Variants in RTF2 observed in about 807,000 individuals in gnomAD.
The protein encoded by RTF2 is UPF0549 protein C20orf43.
RTF2 carries 18 observed loss-of-function variants against 38.0 expected under a neutral mutation model. That is an observed-to-expected ratio of 0.47 (90% CI 0.33 to 0.70). The LOEUF (loss-of-function observed/expected upper bound fraction) is 0.70, where lower values mean the gene tolerates loss of function less well. Ranked by LOEUF, RTF2 falls within the 30% of genes least tolerant of loss-of-function variation. The probability of loss-of-function intolerance (pLI) is 0.02; values close to 1 mark genes in which losing one functional copy is unlikely to be tolerated. For missense variants in RTF2, 311 were observed against 379.6 expected (o/e 0.82, Z 1.50); for synonymous variants, 126 against 137.1 (o/e 0.92, Z 0.57).
intron 5 of RTF2, among the ~76,000 whole-genome samples, chr20:56,489,172 T>C (rs6099168): frequency 0.83 from 125,273 of 151,272 alleles, 52,099 homozygotes; most frequent in East Asian, 0.99. Context: ...TCTCCTGCCT[T>C]AGCCACCCGA....
chr20:56,473,263 A>T, intron 1 of RTF2, 38 bp from the exon 2 acceptor site: 1 of 1,391,262 alleles, frequency 7.2e-7, no homozygotes, highest in Non-Finnish European at 1.0e-6. Context: ...TGTGTCTTTC[A>T]GAGTTGAAAA....
chr20:56,491,581 A>C (rs752922889), intron 5 of RTF2: 2 of 1,550,968 alleles, frequency 1.3e-6, no homozygotes, highest in South Asian at 2.4e-5. Flanking sequence ...TCATATTGAA[A>C]TGACTCTGCT....
At chr20:56,496,433 A>G (rs1228573333) in intron 5 of RTF2, among the ~76,000 whole-genome samples, 1 of 152,180 alleles carries the variant, frequency 6.6e-6, no homozygotes, top group Non-Finnish European at 1.5e-5. Flanking sequence ...CTGTAATCCC[A>G]GCTACTGGGG....
intron 5 of RTF2, chr20:56,497,031 T>G: frequency 1.9e-6 from 3 of 1,551,752 alleles, no homozygotes; most frequent in Non-Finnish European, 2.6e-6. Context: ...AAATTTAGAA[T>G]GCACTAGAAC....
chr20:56,516,332 TTTA>T (rs1378956681), intron 6 of RTF2: 2 of 145,414 alleles, frequency 1.4e-5, no homozygotes, highest in African/African-American at 2.9e-5. Flanking sequence ...AATGGTTTGT[TTTA>T]TTATTGCTGA....
intron 5 of RTF2, among the ~76,000 whole-genome samples, chr20:56,505,322 CA>C (rs776112212): frequency 6.6e-6 from 1 of 151,652 alleles, no homozygotes; most frequent in Admixed American, 6.6e-5. Flanking sequence ...CCCGTCTCTA[CA>C]AAAAATTCTT....
At chr20:56,473,514 G>A in intron 2 of RTF2, 119 bp downstream of exon 2, 1 of 672,894 alleles carries the variant, frequency 1.5e-6, no homozygotes, top group Non-Finnish European at 2.6e-6. Flanking sequence ...GTGAGGCATA[G>A]GCTGTCGTTC....
chr20:56,472,451 CT>C (rs1292076531), intron 1 of RTF2: 2 of 1,246,124 alleles, frequency 1.6e-6, no homozygotes, highest in East Asian at 2.5e-5. Context: ...CAGGGAGGGT[CT>C]TATGTCTGGA....
intron 1 of RTF2, chr20:56,470,965 C>G: frequency 4.3e-6 from 1 of 234,094 alleles, no homozygotes; most frequent in Non-Finnish European, 9.0e-6. Flanking sequence ...TTCCCCATAT[C>G]TGTGAGACAC....
intron 4 of RTF2, among the ~76,000 whole-genome samples, chr20:56,480,529 A>G (rs1438352748): frequency 6.6e-6 from 1 of 152,146 alleles, no homozygotes; most frequent in Non-Finnish European, 1.5e-5. Flanking sequence ...TCCTTCAAGA[A>G]CTTTTCCTTT....
At chr20:56,486,126 A>T (rs1982782248) in intron 5 of RTF2, among the ~76,000 whole-genome samples, 1 of 152,054 alleles carries the variant, frequency 6.6e-6, no homozygotes, top group Non-Finnish European at 1.5e-5. Flanking sequence ...CAGGACAGTG[A>T]CGCCCATTTT....
intron 5 of RTF2, among the ~76,000 whole-genome samples, chr20:56,493,605 A>G (rs1357768288): frequency 1.3e-5 from 2 of 150,964 alleles, no homozygotes; most frequent in South Asian, 2.1e-4. Flanking sequence ...GCAGTGAGCT[A>G]TGATCATACC....
chr20:56,470,152 T>C (rs900629143), intron 1 of RTF2, among the ~76,000 whole-genome samples: 2 of 152,318 alleles, frequency 1.3e-5, no homozygotes, highest in East Asian at 3.9e-4. Flanking sequence ...GAGGATGAAG[T>C]GTACCCTCTG....
chr20:56,505,992 A>G (rs1026264646), intron 5 of RTF2, among the ~76,000 whole-genome samples: 2 of 152,228 alleles, frequency 1.3e-5, no homozygotes, highest in Admixed American at 6.5e-5. Context: ...TCAGATTAGC[A>G]TAAGTTTTCC....
At chr20:56,506,989 C>T (rs1396783514) in intron 5 of RTF2, among the ~76,000 whole-genome samples, 1 of 152,078 alleles carries the variant, frequency 6.6e-6, no homozygotes, top group East Asian at 1.9e-4. Flanking sequence ...CGTGAGCCAC[C>T]GCGCCTGGCC....
chr20:56,500,466 G>A (rs914818935), intron 5 of RTF2, among the ~76,000 whole-genome samples: 4 of 152,216 alleles, frequency 2.6e-5, no homozygotes, highest in Non-Finnish European at 4.4e-5. Context: ...GCTGTGCGCC[G>A]AGCCCAGGAG....
chr20:56,491,558 T>C lies in RTF2; in HGVS notation c.477+7369T>C, dbSNP rs1983129604. ...TACCAGTAAGAAAGCAAACACTCCC[T>C]AGCGGTTCAGTCTCATATTGAAATG... On this transcript the variant is annotated intron_variant, in intron 5 of 8. Coordinates refer to ENST00000357348, the MANE Select transcript of RTF2 (RefSeq NM_016407.5). 3.3e-6 allele frequency: 5 copies of C among 1,535,620 alleles called. No homozygotes were observed. In the African/African-American group the frequency reaches 6.9e-5, roughly 21 times the overall value.
At chr20:56,478,669 C>T (rs915366843) in intron 4 of RTF2, among the ~76,000 whole-genome samples, 2 of 152,126 alleles carry the variant, frequency 1.3e-5, no homozygotes, top group Non-Finnish European at 2.9e-5. Flanking sequence ...GCCTTGATGT[C>T]GATGGCTGCT....
At chr20:56,495,672 A>G (rs1983481558) in intron 5 of RTF2, among the ~76,000 whole-genome samples, 2 of 152,096 alleles carry the variant, frequency 1.3e-5, no homozygotes, top group South Asian at 4.1e-4. Context: ...GCCCTCGGAG[A>G]TTATTTGAAA....
Sources: gnomAD v4.1 joint callset for allele counts (sites outside exome capture counted in the v4.1 genomes callset) on GRCh38, gnomAD v4.1.1 for gene constraint, MANE v1.5 for transcripts, NCBI Gene and HGNC (gene_info 2026-07-23, HGNC 2026-07-21) for gene names.